Variants in PDGFRA observed in about 807,000 individuals in gnomAD.
PDGFRA encodes the protein platelet-derived growth factor receptor alpha.
A neutral mutation model predicts 121.5 loss-of-function variants in PDGFRA; 25 were observed. The observed-to-expected ratio is 0.21, with a 90% CI of 0.15 to 0.29. The LOEUF (loss-of-function observed/expected upper bound fraction) is 0.29, where lower values mean the gene tolerates loss of function less well. Among genes scored for constraint, PDGFRA ranks in the 10% least tolerant of loss-of-function variants. The pLI, the probability that PDGFRA is intolerant of heterozygous loss-of-function variation, is 1.00. For missense variants in PDGFRA, 1,008 were observed against 1,345.1 expected (o/e 0.75, Z 3.92); for synonymous variants, 463 against 494.8 (o/e 0.94, Z 0.85).
intron 1 of PDGFRA, among the ~76,000 whole-genome samples, chr4:54,234,629 G>A (rs900216310): frequency 6.6e-6 from 1 of 152,200 alleles, no homozygotes; most frequent in African/African-American, 2.4e-5. Flanking sequence ...TTTGTGTTGT[G>A]TTTCTCCTTG....
At chr4:54,250,697 T>G (rs529462841) in intron 1 of PDGFRA, among the ~76,000 whole-genome samples, 101 of 152,322 alleles carry the variant, frequency 6.6e-4, no homozygotes, top group African/African-American at 2.4e-3. Flanking sequence ...TTTAATCCTT[T>G]TCAAAAGGTG....
intron 1 of PDGFRA, among the ~76,000 whole-genome samples, chr4:54,245,111 CG>C (rs1721559212): frequency 6.6e-6 from 1 of 152,100 alleles, no homozygotes; most frequent in East Asian, 1.9e-4. Flanking sequence ...CTGAAAGTGA[CG>C]GGGAGAATGG....
chr4:54,269,018 G>A (rs775074289), intron 7 of PDGFRA, among the ~76,000 whole-genome samples: 1 of 152,006 alleles, frequency 6.6e-6, no homozygotes, highest in Non-Finnish European at 1.5e-5. Flanking sequence ...GGTAGATGGG[G>A]GATCTGGCTT....
At position 54,258,617 on chromosome 4, in the gene PDGFRA, A is replaced by T. The variant is rs1424511438; in HGVS notation, c.-12-140A>T. The T allele has an allele frequency of 6.9e-6, 5 of 721,794 alleles. No homozygotes were observed. The Admixed American group carries it at 8.2e-5, about 12-fold the overall frequency. The allele number at this position is 721,794 out of a possible 1,614,324, so 44.7% of individuals were successfully genotyped here. ...CATCTTTCAGGCGTCTTACTGTTTG[A>T]ACCTTGAATTTTAACCTGGGACATG... On this transcript the variant is annotated intron_variant, in intron 1 of 22. Transcript: ENST00000257290.
intron 9 of PDGFRA, 131 bp from the exon 10 acceptor site, chr4:54,273,406 A>G (rs1723511530): frequency 2.7e-6 from 2 of 730,894 alleles, no homozygotes; most frequent in East Asian, 5.1e-5. Flanking sequence ...CATGTAAAAT[A>G]AATCAGTGTG....
At chr4:54,234,053 G>T (rs546448227) in intron 1 of PDGFRA, among the ~76,000 whole-genome samples, 13 of 152,332 alleles carry the variant, frequency 8.5e-5, no homozygotes, top group African/African-American at 3.1e-4. Context: ...GGGTTGCACA[G>T]AACCCTAGTA....
At chr4:54,258,609 A>G (rs1722504114) in intron 1 of PDGFRA, 148 bp from the exon 2 acceptor site, 1 of 698,054 alleles carries the variant, frequency 1.4e-6, no homozygotes, top group Non-Finnish European at 2.6e-6. Flanking sequence ...CAGGCGTCTT[A>G]CTGTTTGAAC....
chr4:54,232,617 C>T (rs1284781508), intron 1 of PDGFRA, among the ~76,000 whole-genome samples: 2 of 152,244 alleles, frequency 1.3e-5, no homozygotes, highest in Non-Finnish European at 2.9e-5. Flanking sequence ...AAGAGTCTCG[C>T]TCTGTCGCCC....
rs1577705804 is a variant in PDGFRA at position 54,261,372 on chromosome 4, G to T, written c.327G>T (p.Glu109Asp). The T allele has an allele frequency of 6.2e-7, 1 of 1,614,116 alleles. No homozygotes were observed. Among genetic ancestry groups the T allele is most frequent in the Non-Finnish European group, 8.5e-7 (1 of 1,180,016 alleles). ...TCYYNHTQTE[E>D]NELEGRHIYI... ...ATTACAACCACACTCAGACAGAAGAGAATGAGCTTGAAGGCAGGCACATTT... is the reference window on the plus strand; with the variant it reads ...ATTACAACCACACTCAGACAGAAGATAATGAGCTTGAAGGCAGGCACATTT... The change falls in exon 3 of 23, where the codon GAG (glutamate) becomes GAT (aspartate). Residue 109 changes from glutamate to aspartate, a missense_variant. Coordinates refer to ENST00000257290, the MANE Select transcript of PDGFRA (RefSeq NM_006206.6).
At chr4:54,259,429 C>G (rs530763897) in intron 2 of PDGFRA, among the ~76,000 whole-genome samples, 11 of 152,326 alleles carry the variant, frequency 7.2e-5, no homozygotes, top group African/African-American at 2.6e-4. Context: ...ATCTCAGAGT[C>G]ACCTTTATCT....
At chr4:54,243,369 T>C (rs1387346982) in intron 1 of PDGFRA, among the ~76,000 whole-genome samples, 1 of 152,230 alleles carries the variant, frequency 6.6e-6, no homozygotes, top group Non-Finnish European at 1.5e-5. Context: ...CTACAAGATA[T>C]GTAAGGAAAG....
At chr4:54,246,043 A>G (rs996254546) in intron 1 of PDGFRA, among the ~76,000 whole-genome samples, 5 of 152,222 alleles carry the variant, frequency 3.3e-5, no homozygotes, top group Non-Finnish European at 5.9e-5. Context: ...ACCCAACAAT[A>G]CAGGAGCACC....
At chr4:54,267,188 C>G in intron 5 of PDGFRA, 101 bp from the exon 6 acceptor site, 3 of 1,128,790 alleles carry the variant, frequency 2.7e-6, no homozygotes, top group South Asian at 1.2e-5. Context: ...TGCTGAACCT[C>G]CATTGACACA....
intron 22 of PDGFRA, among the ~76,000 whole-genome samples, chr4:54,293,637 G>A (rs925189415): frequency 3.3e-5 from 5 of 151,978 alleles, no homozygotes; most frequent in African/African-American, 7.2e-5. Flanking sequence ...CAGCATGTTG[G>A]CCAGGCTGGT....
At chr4:54,274,018 C>G (rs1281014756) in intron 10 of PDGFRA, among the ~76,000 whole-genome samples, 1 of 152,182 alleles carries the variant, frequency 6.6e-6, no homozygotes, top group Non-Finnish European at 1.5e-5. Flanking sequence ...TTTGCAGAGG[C>G]CCCTCAACAT....
At chr4:54,231,907 C>A (rs1257902845) in intron 1 of PDGFRA, among the ~76,000 whole-genome samples, 2 of 152,194 alleles carry the variant, frequency 1.3e-5, no homozygotes, top group East Asian at 1.9e-4. Flanking sequence ...AGGAGGGATG[C>A]AGGGGGAGGG....
intron 16 of PDGFRA, chr4:54,280,739 G>T: frequency 1.0e-5 from 3 of 286,796 alleles, no homozygotes; most frequent in African/African-American, 4.3e-5. Flanking sequence ...TTCTTGGTGT[G>T]TTCCTGCAGT....
chr4:54,263,637 A>C (rs1201219431), intron 3 of PDGFRA, 30 bp from the exon 4 acceptor site: 1 of 1,607,576 alleles, frequency 6.2e-7, no homozygotes, highest in Non-Finnish European at 8.5e-7. Flanking sequence ...TTAATGTCTA[A>C]TAGAGTCTTC....
Position 54,297,130 on chromosome 4 carries a change from G to A in PDGFRA, c.*1858G>A, listed in dbSNP as rs924479851. The A allele has an allele frequency of 6.0e-5, 14 of 233,310 alleles. No homozygotes were observed. The highest frequency in any genetic ancestry group is 1.1e-4 in the Non-Finnish European group (13 of 118,056). The allele number at this position is 233,310 out of a possible 1,614,324, so 14.5% of individuals were successfully genotyped here. On this transcript the variant is annotated 3_prime_UTR_variant, in exon 23 of 23. Coordinates refer to ENST00000257290, the MANE Select transcript of PDGFRA (RefSeq NM_006206.6). ...AAGTTTTACTGATAATTTGAGGTTA[G>A]ATGGGAGGATGAATTGTCACATCTA...
Sources: allele counts gnomAD v4.1 joint callset (sites outside exome capture counted in the v4.1 genomes callset), GRCh38; gene constraint gnomAD v4.1.1; transcripts MANE v1.5; gene names NCBI Gene and HGNC (gene_info 2026-07-23, HGNC 2026-07-21).